Variants in PTPRM observed in about 807,000 individuals in gnomAD.
PTPRM encodes the protein protein tyrosine phosphatase receptor type M.
In PTPRM, 47 loss-of-function variants were observed where a neutral mutation model predicts 186.7. That is an observed-to-expected ratio of 0.25 (90% CI 0.20 to 0.32). PTPRM has a LOEUF of 0.32. Ranked by LOEUF, PTPRM falls within the 10% of genes least tolerant of loss-of-function variation. The pLI, the probability that PTPRM is intolerant of heterozygous loss-of-function variation, is 1.00. For missense variants in PTPRM, 1,494 were observed against 1,865.0 expected, an observed-to-expected ratio of 0.80 and a Z score of 3.66; for synonymous variants, 668 against 674.9, an observed-to-expected ratio of 0.99 and a Z score of 0.16.
At chr18:7,607,818 CTT>C (rs1280193617) in intron 1 of PTPRM, among the ~76,000 whole-genome samples, 3 of 152,236 alleles carry the variant, frequency 2.0e-5, no homozygotes, top group Admixed American at 1.3e-4. Flanking sequence ...CTCATCCTCT[CTT>C]CGTATATCAA....
intron 4 of PTPRM, among the ~76,000 whole-genome samples, chr18:7,917,098 C>G (rs2050604734): frequency 6.6e-6 from 1 of 152,180 alleles, no homozygotes; most frequent in Non-Finnish European, 1.5e-5. Context: ...CACATCCATG[C>G]TGCAGCAAAT....
At chr18:8,369,200 T>A (rs1467118511) in intron 23 of PTPRM, among the ~76,000 whole-genome samples, 1 of 152,180 alleles carries the variant, frequency 6.6e-6, no homozygotes, top group Admixed American at 6.5e-5. Context: ...AAGAGAGCTA[T>A]AAAAGATAAG....
In PTPRM at chr18:7,785,113, C is replaced by T. The variant is rs187438103; in HGVS notation, c.196+10842C>T. 2.0e-3 allele frequency among the ~76,000 whole-genome samples: 298 copies of T among 152,198 alleles called. 3 individuals carry two copies. The South Asian group carries it at 0.026, about 13-fold the overall frequency. ...AAACTGCATGTAGTTCTAGGGACTG[C>T]CAAGTACATGGAATGGGAAGAGGAA... On this transcript the variant is annotated intron_variant, in intron 2 of 32. Coordinates refer to ENST00000580170, the MANE Select transcript of PTPRM (RefSeq NM_001105244.2).
chr18:7,743,503 A>C (rs1356011681), intron 1 of PTPRM, among the ~76,000 whole-genome samples: 2 of 152,214 alleles, frequency 1.3e-5, no homozygotes, highest in Non-Finnish European at 2.9e-5. Flanking sequence ...AAGTAGAGAC[A>C]ATTACATGAC....
chr18:7,994,543 G>T (rs532488596), intron 7 of PTPRM, among the ~76,000 whole-genome samples: 35 of 152,220 alleles, frequency 2.3e-4, no homozygotes, highest in African/African-American at 8.4e-4. Context: ...TCGTCAGCAC[G>T]TGGAATTTTC....
At chr18:8,344,444 GTGTGTATATATATATATA>G (rs1345625920) in intron 23 of PTPRM, among the ~76,000 whole-genome samples, 4 of 129,516 alleles carry the variant, frequency 3.1e-5, no homozygotes, top group Non-Finnish European at 1.6e-5. Flanking sequence ...GTGTGTGTGT[GTGTGTATATATATATATA>G]TATATATATA....
At chr18:8,315,296 A>G (rs2095301160) in intron 21 of PTPRM, among the ~76,000 whole-genome samples, 1 of 152,220 alleles carries the variant, frequency 6.6e-6, no homozygotes, top group Admixed American at 6.5e-5. Flanking sequence ...AATTCCTAAT[A>G]CGGCGATTTG....
At chr18:7,708,469 G>C (rs913706298) in intron 1 of PTPRM, among the ~76,000 whole-genome samples, 2 of 152,100 alleles carry the variant, frequency 1.3e-5, no homozygotes, top group African/African-American at 4.8e-5. Flanking sequence ...CTGGCTTGTG[G>C]TGTCCCCTCC....
chr18:7,672,691 A>G (rs1416564831), intron 1 of PTPRM, among the ~76,000 whole-genome samples: 1 of 152,216 alleles, frequency 6.6e-6, no homozygotes, highest in Non-Finnish European at 1.5e-5. Flanking sequence ...TGGCTTCACT[A>G]AAATAATAAG....
At chr18:8,268,471 G>T (rs1044749950) in intron 19 of PTPRM, among the ~76,000 whole-genome samples, 7 of 152,170 alleles carry the variant, frequency 4.6e-5, no homozygotes, top group Non-Finnish European at 8.8e-5. Context: ...ATGTCCAGAT[G>T]GCTTTACTGG....
At chr18:7,936,253 C>G (rs992367499) in intron 5 of PTPRM, among the ~76,000 whole-genome samples, 27 of 152,152 alleles carry the variant, frequency 1.8e-4, no homozygotes, top group Non-Finnish European at 2.9e-5. Flanking sequence ...CAGGCAGGAG[C>G]CCTGCCCTCC....
At chr18:7,957,727 G>A (rs2053408305) in intron 7 of PTPRM, among the ~76,000 whole-genome samples, 1 of 152,222 alleles carries the variant, frequency 6.6e-6, no homozygotes, top group Admixed American at 6.5e-5. Context: ...TTGACCTGGG[G>A]TTTTGAGAAA....
intron 7 of PTPRM, among the ~76,000 whole-genome samples, chr18:8,000,044 G>A (rs1739634006): frequency 6.6e-6 from 1 of 152,170 alleles, no homozygotes; most frequent in Non-Finnish European, 1.5e-5. Flanking sequence ...GGTCAGGCAA[G>A]GGGAATTACC....
At chr18:7,709,750 A>T (rs934429468) in intron 1 of PTPRM, among the ~76,000 whole-genome samples, 1 of 152,310 alleles carries the variant, frequency 6.6e-6, no homozygotes, top group East Asian at 1.9e-4. Context: ...AATGCAAAAG[A>T]TCATTCAAGG....
chr18:7,938,967 G>T lies in PTPRM; in HGVS notation c.664-10214G>T, dbSNP rs368324675. Among the ~76,000 whole-genome samples, 38 of 152,262 alleles carry T rather than the reference G, an allele frequency of 2.5e-4. No homozygotes were observed. In the East Asian group the frequency reaches 5.4e-3, roughly 22 times the overall value. On this transcript the variant is annotated intron_variant, in intron 5 of 32. Transcript: ENST00000580170. ...AATTGATAAATATTTGGGTTAACTT[G>T]GTTGTGGTCTAGAAATCAAAGGTCA...
intron 1 of PTPRM, among the ~76,000 whole-genome samples, chr18:7,694,134 C>T (rs2039792231): frequency 1.3e-5 from 2 of 152,130 alleles, no homozygotes; most frequent in Non-Finnish European, 1.5e-5. Flanking sequence ...GTGGTCTTCT[C>T]CAGGCCTAAT....
intron 2 of PTPRM, among the ~76,000 whole-genome samples, chr18:7,778,969 T>G (rs938677824): frequency 6.6e-6 from 1 of 152,214 alleles, no homozygotes; most frequent in Non-Finnish European, 1.5e-5. Flanking sequence ...AACACCTACC[T>G]GGTTTGATAA....
chr18:8,312,376 G>T (rs751012307), intron 20 of PTPRM, among the ~76,000 whole-genome samples: 2 of 152,100 alleles, frequency 1.3e-5, no homozygotes, highest in Admixed American at 6.6e-5. Flanking sequence ...TAGGAAATTG[G>T]TTCTTAAAGC....
At chr18:8,270,269 A>T (rs1046162689) in intron 19 of PTPRM, 7 of 152,202 alleles carry the variant, frequency 4.6e-5, no homozygotes, top group Admixed American at 4.6e-4. Context: ...ATGAGCAAAT[A>T]ACCTGATACA....
Sources: allele counts gnomAD v4.1 joint callset (sites outside exome capture counted in the v4.1 genomes callset), GRCh38; gene constraint gnomAD v4.1.1; transcripts MANE v1.5; gene names NCBI Gene and HGNC (gene_info 2026-07-23, HGNC 2026-07-21).